The following STS variants were observed in gnomAD, a reference collection of about 807,000 sequenced individuals.
STS encodes the protein steroid sulfatase.
In STS, 7 loss-of-function variants were observed where a neutral mutation model predicts 26.8. The ratio of observed to expected loss-of-function variants is 0.26; its 90% CI spans 0.15 to 0.49. STS has a LOEUF of 0.49. STS is among the 20% of genes least tolerant of loss of function. The pLI is 0.98. For synonymous variants in STS, 199 were observed against 189.4 expected (o/e 1.05, Z -0.42); for missense variants, 434 against 465.6 (o/e 0.93, Z 0.63).
At chrX:7,334,504 A>G (rs1423294518) in intron 10 of STS, among the ~76,000 whole-genome samples, 5 of 111,781 alleles carry the variant, frequency 4.5e-5, no homozygotes, top group Admixed American at 9.4e-5. Context: ...CTGTGCTTAC[A>G]CTTGCAGGCT....
In STS at chrX:7,253,253, A is replaced by G; in HGVS notation, c.54A>G (p.Ala18=). 8.3e-7 allele frequency: 1 copy of G among 1,211,711 alleles called. No homozygotes were observed. Among genetic ancestry groups the G allele is most frequent in the Non-Finnish European group, 1.1e-6 (1 of 895,326 alleles). ...TTCTGTGGGAAGCCGAGAGCCACGC[A>G]GCATCAAGGCCGAACATCATCCTGG... ...LFFLWEAESH[A]ASRPNIILVM... is the part of the protein sequence containing the mutation. The change falls in exon 3 of 11, where the codon GCA becomes GCG. Residue 18 remains alanine, a synonymous_variant. Transcript: ENST00000674429.
rs775596018 is a variant in STS at position 7,287,298 on chromosome X, T to C, written c.943+11211T>C. 2.7e-5 allele frequency among the ~76,000 whole-genome samples: 3 copies of C among 111,819 alleles called. No homozygotes were observed. The Admixed American group carries it at 2.9e-4, about 11-fold the overall frequency. On this transcript the variant is annotated intron_variant, in intron 7 of 10. Transcript: ENST00000674429. ...TGTGTTTTTTTAGTGTTTTCCACAC[T>C]TTGTATAAATGTTTTTCTGATTACC... is the stretch of plus-strand genomic sequence containing the variant.
chrX:7,248,014 A>G (rs1272944591), intron 2 of STS, among the ~76,000 whole-genome samples: 1 of 112,049 alleles, frequency 8.9e-6, no homozygotes, highest in African/African-American at 3.2e-5. Context: ...CTGCAAAAGA[A>G]AATTGAGGGA....
rs1411377584 is a variant in STS, at chrX:7,350,651, A to G, written c.*390A>G. ...CCCCTCAGCAAATACCTATGTCAAC[A>G]GTATAAGTTACCATTTACTCTATAA... is the stretch of plus-strand genomic sequence containing the variant. On this transcript the variant is annotated 3_prime_UTR_variant, in exon 11 of 11. Coordinates refer to ENST00000674429, the MANE Select transcript of STS (RefSeq NM_001320752.2). The G allele has an allele frequency of 6.0e-6, 1 of 165,402 alleles. No individual in the cohort carries two copies. Among genetic ancestry groups the G allele is most frequent in the Non-Finnish European group, 1.1e-5 (1 of 87,869 alleles). 13.6% of individuals were successfully genotyped at this position (165,402 alleles called of 1,213,427 possible).
intron 2 of STS, among the ~76,000 whole-genome samples, chrX:7,199,667 CTTTA>C (rs1329946610): frequency 1.8e-5 from 2 of 111,277 alleles, no homozygotes; most frequent in East Asian, 2.8e-4. Flanking sequence ...CATCTGTCAA[CTTTA>C]TTTATTTCAA....
intron 2 of STS, among the ~76,000 whole-genome samples, chrX:7,246,586 G>A (rs1272871188): frequency 3.6e-5 from 4 of 111,454 alleles, no homozygotes; most frequent in African/African-American, 9.8e-5. Flanking sequence ...GATTACAGGC[G>A]TGAGCCACCG....
chrX:7,261,512 C>T (rs1325446060), intron 6 of STS, among the ~76,000 whole-genome samples: 4 of 111,488 alleles, frequency 3.6e-5, no homozygotes, highest in East Asian at 2.8e-4. Context: ...TAAAAGGTAA[C>T]GTACTCTATG....
At chrX:7,317,312 C>G (rs1162644402) in intron 8 of STS, among the ~76,000 whole-genome samples, 1 of 111,007 alleles carries the variant, frequency 9.0e-6, no homozygotes, top group African/African-American at 3.3e-5. Flanking sequence ...CCCCATATCC[C>G]ATTCTCCAAC....
intron 9 of STS, 62 bp downstream of exon 9, chrX:7,325,560 G>C: frequency 8.5e-7 from 1 of 1,169,963 alleles, no homozygotes; most frequent in Non-Finnish European, 1.2e-6. Flanking sequence ...AGTATGCTCT[G>C]GTTTGCCTGC....
intron 2 of STS, chrX:7,252,382 C>T: frequency 1.6e-6 from 1 of 606,645 alleles, no homozygotes; most frequent in Non-Finnish European, 2.0e-6. Context: ...CACCTACCTG[C>T]TACCTTCCGG....
chrX:7,317,609 G>C (rs1193725432), intron 8 of STS, among the ~76,000 whole-genome samples: 2 of 111,008 alleles, frequency 1.8e-5, no homozygotes, highest in Non-Finnish European at 3.8e-5. Context: ...GCTGGGACTA[G>C]AGGCATGCAC....
chrX:7,325,951 G>A (rs761232729), intron 9 of STS, among the ~76,000 whole-genome samples: 1 of 112,268 alleles, frequency 8.9e-6, no homozygotes, highest in Admixed American at 9.4e-5. Context: ...AAGTAGGTCA[G>A]AGGATTTATT....
intron 8 of STS, among the ~76,000 whole-genome samples, chrX:7,317,166 A>G (rs1911056709): frequency 8.9e-6 from 1 of 112,028 alleles, no homozygotes; most frequent in Non-Finnish European, 1.9e-5. Flanking sequence ...TCATCACAAC[A>G]TGCCATCAAG....
Position 7,148,031 on chromosome X carries a change from G to A in STS, c.-186G>A, listed in dbSNP as rs12839420. ...CCACACAAGACCGCCCTTACTGGAG[G>A]CGGCGGCTGCACACTACCCACCCAG... On this transcript the variant is annotated 5_prime_UTR_variant, in exon 1 of 11. Transcript: ENST00000674429. The A allele has an allele frequency of 8.9e-7, 1 of 1,123,581 alleles. No homozygotes were observed. Among genetic ancestry groups the A allele is most frequent in the Middle Eastern group, 2.4e-4 (1 of 4,137 alleles). 92.6% of individuals were successfully genotyped at this position (1,123,581 alleles called of 1,213,427 possible). A position where few individuals can be genotyped will look rare whatever the true frequency, so the allele number is the denominator to read the frequency against.
At chrX:7,218,295 G>T (rs193266024) in intron 2 of STS, among the ~76,000 whole-genome samples, 126 of 112,463 alleles carry the variant, frequency 1.1e-3, no homozygotes, top group Non-Finnish European at 2.1e-3. Context: ...CTTTATACTT[G>T]ATGCAATCAG....
chrX:7,246,027 G>A (rs143369547), intron 2 of STS, among the ~76,000 whole-genome samples: 270 of 112,402 alleles, frequency 2.4e-3, no homozygotes, highest in African/African-American at 8.2e-3. Flanking sequence ...TCTCTGTCAC[G>A]GATGTGGGGC....
At chrX:7,216,054 A>C (rs1248643252) in intron 2 of STS, among the ~76,000 whole-genome samples, 1 of 112,020 alleles carries the variant, frequency 8.9e-6, no homozygotes, top group Admixed American at 9.5e-5. Context: ...GCTCATGTGC[A>C]TAGCAAACAT....
chrX:7,321,584 A>G lies in STS; in HGVS notation c.1082-3755A>G, dbSNP rs186415958. Reference sequence around the variant, plus strand: ...GCTTTTAACAATGGAAATTTGCTTCAGGACCCCTGAAACCTCTGTTTCTAG... The same window carrying G: ...GCTTTTAACAATGGAAATTTGCTTCGGGACCCCTGAAACCTCTGTTTCTAG... On this transcript the variant is annotated intron_variant, in intron 8 of 10. Transcript: ENST00000674429. 1.2e-4 allele frequency among the ~76,000 whole-genome samples: 13 copies of G among 112,489 alleles called. No individual in the cohort carries two copies. The East Asian group carries it at 1.7e-3, about 15-fold the overall frequency.
At chrX:7,303,135 G>A (rs1361533622) in intron 7 of STS, among the ~76,000 whole-genome samples, 1 of 111,035 alleles carries the variant, frequency 9.0e-6, no homozygotes, top group Non-Finnish European at 1.9e-5. Context: ...TCATGGGGGA[G>A]ATTTTCCCCC....
Sources: allele counts gnomAD v4.1 joint callset (sites outside exome capture counted in the v4.1 genomes callset), GRCh38; gene constraint gnomAD v4.1.1; transcripts MANE v1.5; gene names NCBI Gene and HGNC (gene_info 2026-07-23, HGNC 2026-07-21).